Variants in SLC24A4 observed in about 807,000 individuals in gnomAD.
SLC24A4 encodes sodium/potassium/calcium exchanger 4.
SLC24A4 carries 53 observed loss-of-function variants against 79.0 expected under a neutral mutation model. The observed-to-expected ratio is 0.67, with a 90% CI of 0.54 to 0.84. The LOEUF is 0.84. SLC24A4 is among the 40% of genes least tolerant of loss of function. The pLI is 0.00. For missense variants in SLC24A4, 731 were observed against 822.0 expected (o/e 0.89, Z 1.35); for synonymous variants, 323 against 323.8 (o/e 1.00, Z 0.03).
intron 12 of SLC24A4, among the ~76,000 whole-genome samples, chr14:92,479,465 G>A (rs1595352646): frequency 6.6e-6 from 1 of 152,170 alleles, no homozygotes; most frequent in Non-Finnish European, 1.5e-5. Flanking sequence ...TTAGAGGATT[G>A]TGTAGTTTTA....
chr14:92,446,189 T>G (rs1459042496), intron 8 of SLC24A4, among the ~76,000 whole-genome samples: 2 of 144,242 alleles, frequency 1.4e-5, no homozygotes, highest in African/African-American at 5.1e-5. Flanking sequence ...TTTTTTTTTT[T>G]GAGACCCGGT....
intron 2 of SLC24A4, among the ~76,000 whole-genome samples, chr14:92,432,031 G>A (rs1462158355): frequency 6.6e-6 from 1 of 152,222 alleles, no homozygotes; most frequent in African/African-American, 2.4e-5. Context: ...GATGGCTCTA[G>A]TGCCTGCCTT....
rs1398870281 is a variant in SLC24A4, at chr14:92,400,802, T to C, written c.242-33110T>C. ...ATCTTTGCCTTTTCTTGTTTATTTCTGTAAGCATTGGTGTTTTGTGGGAGA... is the reference window on the plus strand; with the variant it reads ...ATCTTTGCCTTTTCTTGTTTATTTCCGTAAGCATTGGTGTTTTGTGGGAGA... On this transcript the variant is annotated intron_variant, in intron 2 of 16. Transcript: ENST00000532405. 3.3e-5 allele frequency among the ~76,000 whole-genome samples: 5 copies of C among 152,346 alleles called. No individual in the cohort carries two copies. In the East Asian group the frequency reaches 7.7e-4, roughly 24 times the overall value.
At chr14:92,414,346 G>A (rs1000575097) in intron 2 of SLC24A4, among the ~76,000 whole-genome samples, 5 of 151,098 alleles carry the variant, frequency 3.3e-5, no homozygotes, top group Admixed American at 6.6e-5. Flanking sequence ...CCCTGGCTGA[G>A]CACTGCTTCC....
intron 10 of SLC24A4, among the ~76,000 whole-genome samples, chr14:92,449,792 T>G (rs1366573855): frequency 6.6e-5 from 10 of 152,204 alleles, no homozygotes; most frequent in Non-Finnish European, 1.5e-4. Context: ...GGGGAGCCCC[T>G]TCCCCTGGGG....
intron 2 of SLC24A4, among the ~76,000 whole-genome samples, chr14:92,433,265 G>A (rs1052547805): frequency 6.6e-6 from 1 of 152,222 alleles, no homozygotes; most frequent in Admixed American, 6.5e-5. Context: ...GGCAGTGGCA[G>A]GTGAGAAGGG....
At chr14:92,343,645 T>TCCTTCCTTCCTTCCTTCC (rs1491111810) in intron 2 of SLC24A4, among the ~76,000 whole-genome samples, 1 of 55,226 alleles carries the variant, frequency 1.8e-5, no homozygotes, top group African/African-American at 5.5e-5. Flanking sequence ...TCTTTCTCTC[T>TCCTTCCTTCCTTCCTTCC]TTCCTTCTTT....
chr14:92,499,874 C>T lies in SLC24A4; in HGVS notation c.*6246C>T, dbSNP rs1304610678. On this transcript the variant is annotated 3_prime_UTR_variant, in exon 17 of 17. Transcript: ENST00000532405. ...TTTTTTTTTGAGATGGAGCCTCACT[C>T]TGTTGCCCAGGCTGGAGTGCAGTGG... 1 of 145,398 alleles carries T rather than the reference C, an allele frequency of 6.9e-6. No homozygotes were observed. Among genetic ancestry groups the T allele is most frequent in the Non-Finnish European group, 1.5e-5 (1 of 66,968 alleles). 9.0% of individuals were successfully genotyped at this position (145,398 alleles called of 1,614,324 possible).
chr14:92,415,519 A>G (rs1356984831), intron 2 of SLC24A4, among the ~76,000 whole-genome samples: 2 of 152,266 alleles, frequency 1.3e-5, no homozygotes, highest in East Asian at 3.9e-4. Flanking sequence ...GTGCAATGGC[A>G]TGATCTCAGC....
At chr14:92,389,575 C>A (rs1889351095) in intron 2 of SLC24A4, among the ~76,000 whole-genome samples, 1 of 152,150 alleles carries the variant, frequency 6.6e-6, no homozygotes, top group Non-Finnish European at 1.5e-5. Context: ...GCTGTTCTCC[C>A]TTTCCTGTCC....
intron 2 of SLC24A4, among the ~76,000 whole-genome samples, chr14:92,337,229 G>A (rs757903471): frequency 9.2e-5 from 14 of 152,194 alleles, no homozygotes; most frequent in Non-Finnish European, 1.9e-4. Flanking sequence ...TTAGCAGGCT[G>A]TGCTTGGCTC....
chr14:92,484,791 A>G, intron 13 of SLC24A4: 3 of 985,456 alleles, frequency 3.0e-6, no homozygotes, highest in Non-Finnish European at 3.6e-6. Flanking sequence ...AGACTGTGTC[A>G]GAAGCATCCA....
rs1347072002 is a variant in SLC24A4 at position 92,493,571 on chromosome 14, G to T, written c.1812G>T (p.Met604Ile). 1 of 1,614,062 alleles carries T rather than the reference G, an allele frequency of 6.2e-7. No homozygotes were observed. Among genetic ancestry groups the T allele is most frequent in the African/African-American group, 1.3e-5 (1 of 74,934 alleles). Residue 604 changes from methionine to isoleucine, a missense_variant, in exon 17 of 17, where the codon ATG (methionine) becomes ATT (isoleucine). Transcript: ENST00000532405. Reference sequence around the variant, plus strand: ...CCATCTTCTTGTGCTTCTCCATAATGATAGAGTTTAACGTCTTTACCTTCG... The same window carrying T: ...CCATCTTCTTGTGCTTCTCCATAATTATAGAGTTTAACGTCTTTACCTTCG... ...LYAIFLCFSI[M>I]IEFNVFTFVN... is the part of the protein sequence containing the mutation.
In SLC24A4 at chr14:92,429,560, C is replaced by A. The variant is rs1891750127; in HGVS notation, c.242-4352C>A. Among the ~76,000 whole-genome samples the A allele has an allele frequency of 2.6e-5, 4 of 152,326 alleles. No individual in the cohort carries two copies. The South Asian group carries it at 8.3e-4, about 32-fold the overall frequency. Reference sequence around the variant, plus strand: ...GTATGGGTGAATTCTGGGTTGCAGGCAGAATTGACCTACAAAATCCAATGT... The same window carrying A: ...GTATGGGTGAATTCTGGGTTGCAGGAAGAATTGACCTACAAAATCCAATGT... On this transcript the variant is annotated intron_variant, in intron 2 of 16. Transcript: ENST00000532405.
chr14:92,396,646 T>A (rs1450821759), intron 2 of SLC24A4, among the ~76,000 whole-genome samples: 1 of 152,156 alleles, frequency 6.6e-6, no homozygotes, highest in Non-Finnish European at 1.5e-5. Context: ...GCCGCAACAG[T>A]TTACTTCTAG....
intron 2 of SLC24A4, among the ~76,000 whole-genome samples, chr14:92,403,456 A>T (rs951138359): frequency 4.6e-5 from 7 of 151,914 alleles, no homozygotes; most frequent in African/African-American, 1.7e-4. Flanking sequence ...AAATACAAAA[A>T]AATTAGTTGG....
At position 92,323,621 on chromosome 14, in the gene SLC24A4, A is replaced by C; in HGVS notation, c.-210A>C. ...GCGCAGCGCGCACGCGGCGCGCGGG[A>C]CTCTGAGCTCCGGCCGCGTCGCGCG... On this transcript the variant is annotated 5_prime_UTR_variant, in exon 1 of 17. Transcript: ENST00000532405. The surrounding 1 kb of genome is among the most constrained non-coding windows in gnomAD (Gnocchi z 4.9). 1 of 489,510 alleles carries C rather than the reference A, an allele frequency of 2.0e-6. No individual in the cohort carries two copies. The highest frequency in any genetic ancestry group is 3.4e-6 in the Non-Finnish European group (1 of 291,218). 30.3% of individuals were successfully genotyped at this position (489,510 alleles called of 1,614,324 possible).
intron 2 of SLC24A4, among the ~76,000 whole-genome samples, chr14:92,429,751 C>T (rs1430716668): frequency 6.6e-6 from 1 of 152,208 alleles, no homozygotes; most frequent in Non-Finnish European, 1.5e-5. Flanking sequence ...GGGTTCTTCT[C>T]TTATCTGTGC....
chr14:92,459,842 C>A (rs1166933314), intron 12 of SLC24A4, among the ~76,000 whole-genome samples: 1 of 152,178 alleles, frequency 6.6e-6, no homozygotes, highest in Non-Finnish European at 1.5e-5. Flanking sequence ...CCGCCCCCGA[C>A]AGAAATACCC....
Sources: allele counts gnomAD v4.1 joint callset (sites outside exome capture counted in the v4.1 genomes callset), GRCh38; gene constraint gnomAD v4.1.1; non-coding constraint Gnocchi (gnomAD v3.1); transcripts MANE v1.5; gene names NCBI Gene and HGNC (gene_info 2026-07-23, HGNC 2026-07-21).